Variants in TMEM209 observed in about 807,000 individuals in gnomAD.
TMEM209 encodes the protein transmembrane protein 209.
TMEM209 carries 65 observed loss-of-function variants against 76.2 expected under a neutral mutation model. That is an observed-to-expected ratio of 0.85 (90% CI 0.70 to 1.05). The LOEUF is 1.05. Among genes scored for constraint, TMEM209 ranks in the 50% least tolerant of loss-of-function variants. The probability of loss-of-function intolerance (pLI) is 0.00; values close to 1 mark genes in which losing one functional copy is unlikely to be tolerated. For synonymous variants in TMEM209, 239 were observed against 237.6 expected, an observed-to-expected ratio of 1.01 and a Z score of -0.06; for missense variants, 623 against 685.5, an observed-to-expected ratio of 0.91 and a Z score of 1.02.
chr7:130,204,565 C>T (rs557019855), intron 1 of TMEM209, among the ~76,000 whole-genome samples: 1 of 152,224 alleles, frequency 6.6e-6, no homozygotes, highest in South Asian at 2.1e-4. Context: ...TGGTCTCGAA[C>T]TCCTGACCTT....
intron 9 of TMEM209, among the ~76,000 whole-genome samples, chr7:130,179,442 A>C (rs1797341817): frequency 6.6e-6 from 1 of 152,172 alleles, no homozygotes; most frequent in African/African-American, 2.4e-5. Flanking sequence ...ATTGTTTTCA[A>C]AATAAGTTGA....
intron 11 of TMEM209, among the ~76,000 whole-genome samples, chr7:130,174,523 A>G (rs2116978020): frequency 6.6e-6 from 1 of 152,336 alleles, no homozygotes; most frequent in Non-Finnish European, 1.5e-5. Context: ...TGGATCATTC[A>G]TACCAACACA....
At chr7:130,179,191 C>T (rs1004325375) in intron 9 of TMEM209, among the ~76,000 whole-genome samples, 1 of 152,070 alleles carries the variant, frequency 6.6e-6, no homozygotes, top group African/African-American at 2.4e-5. Flanking sequence ...CCCCCAGTGC[C>T]CAGAATAGTA....
At chr7:130,168,497 T>C (rs2116965955) in intron 14 of TMEM209, among the ~76,000 whole-genome samples, 1 of 152,310 alleles carries the variant, frequency 6.6e-6, no homozygotes, top group East Asian at 1.9e-4. Context: ...CAATATGGAA[T>C]TTATATCAAA....
In TMEM209 at chr7:130,170,598, T is replaced by C. The variant is rs962268148; in HGVS notation, c.1558-125A>G. Reference sequence around the variant, plus strand: ...AATTCCATATAATTCAGACTTTCATTTATTTATTAAACAAAGTACCTACGC... The same window carrying C: ...AATTCCATATAATTCAGACTTTCATCTATTTATTAAACAAAGTACCTACGC... On this transcript the variant is annotated intron_variant, in intron 13 of 14. Transcript: ENST00000397622. 6.9e-5 allele frequency: 52 copies of C among 759,114 alleles called. No homozygotes were observed. The South Asian group carries it at 9.6e-4, about 14-fold the overall frequency. 47.0% of individuals were successfully genotyped at this position (759,114 alleles called of 1,614,324 possible).
intron 6 of TMEM209, among the ~76,000 whole-genome samples, chr7:130,187,953 T>A (rs7796942): frequency 0.011 from 1,627 of 152,066 alleles, 37 homozygotes; most frequent in African/African-American, 0.037. Context: ...ACAAAAATGG[T>A]CAGTATTTAA....
intron 5 of TMEM209, among the ~76,000 whole-genome samples, chr7:130,200,526 T>C (rs1390009694): frequency 6.6e-6 from 1 of 152,140 alleles, no homozygotes; most frequent in African/African-American, 2.4e-5. Context: ...GACTTAAACA[T>C]TCAAGAGTAA....
rs532472396 is a variant in TMEM209 at position 130,181,706 on chromosome 7, G to T, written c.1037C>A (p.Thr346Lys). 21 of 1,608,492 alleles carry T rather than the reference G, an allele frequency of 1.3e-5. No individual in the cohort carries two copies. The South Asian group carries it at 1.9e-4, about 15-fold the overall frequency. The change falls in exon 9 of 15, where the codon ACA (threonine) becomes AAA (lysine). Residue 346 changes from threonine (T) to lysine (K), a missense_variant. By Grantham distance (78) the Thr-to-Lys change is moderately conservative. Transcript: ENST00000397622. ...CTCTTGAACAAGTGGCACTAATATT[G>T]TCTCATTGATCCACTAGAAGAAATA... ...TAKFRNWINE[T>K]ILVPLVQEIE...
At chr7:130,178,251 T>C in intron 10 of TMEM209, 151 bp downstream of exon 10, 4 of 767,736 alleles carry the variant, frequency 5.2e-6, no homozygotes, top group Non-Finnish European at 7.6e-6. Context: ...TTAAGTTTCC[T>C]ACACAAAATA....
chr7:130,173,955 T>C lies in TMEM209; in HGVS notation c.1345-16A>G, dbSNP rs762851473. 2 of 1,552,608 alleles carry C rather than the reference T, an allele frequency of 1.3e-6. No homozygotes were observed. Among genetic ancestry groups the C allele is most frequent in the Non-Finnish European group, 1.8e-6 (2 of 1,124,750 alleles). ...GCATGATGATCTGAGGATGAAGAAA[T>C]AATTTTTTTTTAAGTCAGCATGAAA... On this transcript the variant is annotated splice_polypyrimidine_tract_variant and intron_variant, in intron 11 of 14. Coordinates refer to ENST00000397622, the MANE Select transcript of TMEM209 (RefSeq NM_032842.4).
In TMEM209 at chr7:130,202,051, T is replaced by C. The variant is rs757562957; in HGVS notation, c.372A>G (p.Gln124=). ...AAGGGGAAGGTGGAGCGGGAGGGAT[T>C]TGGGTTGCTGCCAGATCATGTGGAG... is the stretch of plus-strand genomic sequence containing the variant. ...TTPPHDLAAT[Q]IPPAPPSPSI... The change falls in exon 5 of 15, where the codon CAA becomes CAG. Residue 124 remains glutamine (Q), a synonymous_variant. Coordinates refer to ENST00000397622, the MANE Select transcript of TMEM209 (RefSeq NM_032842.4). The C allele has an allele frequency of 2.7e-5, 44 of 1,613,766 alleles. 1 individual carries two copies. The highest frequency in any genetic ancestry group is 5.0e-5 in the Admixed American group (3 of 59,976).
chr7:130,203,529 A>C (rs1168328212), intron 3 of TMEM209, among the ~76,000 whole-genome samples: 2 of 152,186 alleles, frequency 1.3e-5, no homozygotes, highest in African/African-American at 4.8e-5. Flanking sequence ...AATAAAAACA[A>C]ATCTCACTAA....
chr7:130,204,428 G>T (rs1053155532), intron 1 of TMEM209, among the ~76,000 whole-genome samples: 1 of 152,102 alleles, frequency 6.6e-6, no homozygotes, highest in Non-Finnish European at 1.5e-5. Context: ...TGCAACCTCC[G>T]CCTCCCGGGT....
intron 6 of TMEM209, among the ~76,000 whole-genome samples, chr7:130,189,779 G>T (rs373043946): frequency 1.3e-5 from 2 of 152,210 alleles, no homozygotes; most frequent in South Asian, 4.1e-4. Flanking sequence ...ATGTGTGTGT[G>T]TACATATATC....
At chr7:130,204,479 T>C (rs1798352986) in intron 1 of TMEM209, among the ~76,000 whole-genome samples, 1 of 152,114 alleles carries the variant, frequency 6.6e-6, no homozygotes, top group Non-Finnish European at 1.5e-5. Flanking sequence ...GTAGCTGGGA[T>C]TACAGACGCC....
chr7:130,179,862 C>T (rs555282398), intron 9 of TMEM209, among the ~76,000 whole-genome samples: 2 of 152,138 alleles, frequency 1.3e-5, no homozygotes, highest in South Asian at 2.1e-4. Flanking sequence ...TACTTGGATG[C>T]GGCTGAGGTG....
chr7:130,167,237 A>G (rs1796910193), intron 14 of TMEM209, among the ~76,000 whole-genome samples: 2 of 152,156 alleles, frequency 1.3e-5, no homozygotes, highest in Non-Finnish European at 2.9e-5. Flanking sequence ...CATTTCTGTC[A>G]TGAACTTTTA....
At chr7:130,202,447 T>G in intron 4 of TMEM209, 85 bp downstream of exon 4, 2 of 1,516,240 alleles carry the variant, frequency 1.3e-6, no homozygotes, top group Non-Finnish European at 1.8e-6. Flanking sequence ...CTTCCAGCTT[T>G]GAGTCTACGA....
At chr7:130,197,239 T>C (rs1052506365) in intron 5 of TMEM209, among the ~76,000 whole-genome samples, 8 of 152,216 alleles carry the variant, frequency 5.3e-5, no homozygotes, top group Non-Finnish European at 1.2e-4. Flanking sequence ...GCCATCAACA[T>C]ATGAGTGGAT....
Sources: allele counts gnomAD v4.1 joint callset (sites outside exome capture counted in the v4.1 genomes callset), GRCh38; gene constraint gnomAD v4.1.1; transcripts MANE v1.5; gene names NCBI Gene and HGNC (gene_info 2026-07-23, HGNC 2026-07-21).